PCDHA10: variants seen among roughly 807,000 people sequenced by gnomAD.
PCDHA10 encodes protocadherin alpha 10.
PCDHA10 carries 45 observed loss-of-function variants against 61.2 expected under a neutral mutation model. The ratio of observed to expected loss-of-function variants is 0.74; its 90% confidence interval spans 0.58 to 0.94. The LOEUF (loss-of-function observed/expected upper bound fraction) is 0.94. Ranked by LOEUF, PCDHA10 falls within the 40% of genes least tolerant of loss-of-function variation. The pLI is 0.00. For missense variants in PCDHA10, 1,278 were observed against 1,236.2 expected, an observed-to-expected ratio of 1.03 and a Z score of -0.51; for synonymous variants, 602 against 548.8, an observed-to-expected ratio of 1.10 and a Z score of -1.35.
At chr5:140,858,851 A>G in intron 1 of PCDHA10, 1 of 282,254 alleles carries the variant, frequency 3.5e-6, no homozygotes, top group Non-Finnish European at 6.7e-6. Flanking sequence ...ACTGATCTAT[A>G]TCTCTTCAGT....
In PCDHA10 at chr5:140,937,039, C is replaced by CTT. The variant is rs34994034; in HGVS notation, c.2389-41895_2389-41894dup. On this transcript the variant is annotated intron_variant, in intron 1 of 3. Coordinates refer to ENST00000307360, the MANE Select transcript of PCDHA10 (RefSeq NM_018901.4). ...TAACAAGGTATATTCTTCCATTTATCTTTTTTTTTTTTTTTTGAGACGGAG... is the reference window on the plus strand; with the variant it reads ...TAACAAGGTATATTCTTCCATTTATCTTTTTTTTTTTTTTTTTTGAGACGGAG... 3.4e-3 allele frequency among the ~76,000 whole-genome samples: 476 copies of CTT among 140,122 alleles called. 6 individuals carry two copies. The highest frequency in any genetic ancestry group is 0.011 in the South Asian group (47 of 4,432). 91.9% of individuals were successfully genotyped at this position (140,122 alleles called of 152,430 possible).
chr5:140,946,165 G>C (rs1554217364), intron 1 of PCDHA10, among the ~76,000 whole-genome samples: 1 of 151,838 alleles, frequency 6.6e-6, no homozygotes, highest in Non-Finnish European at 1.5e-5. Context: ...TTAAAAGATG[G>C]GTAAAGGATG....
intron 1 of PCDHA10, among the ~76,000 whole-genome samples, chr5:140,913,536 C>A (rs949214910): frequency 4.6e-5 from 7 of 151,882 alleles, no homozygotes; most frequent in Non-Finnish European, 8.8e-5. Context: ...AAAAGATTGA[C>A]TTTTTGTTTT....
chr5:140,868,360 T>C (rs1403678889), intron 1 of PCDHA10: 1 of 152,130 alleles, frequency 6.6e-6, no homozygotes, highest in African/African-American at 2.4e-5. Context: ...AGCAATTAAA[T>C]GTAAATAACA....
At chr5:140,911,607 T>C (rs1309017145) in intron 1 of PCDHA10, among the ~76,000 whole-genome samples, 1 of 152,222 alleles carries the variant, frequency 6.6e-6, no homozygotes, top group African/African-American at 2.4e-5. Context: ...CTTCATTATG[T>C]TCCTTAGTTC....
intron 1 of PCDHA10, among the ~76,000 whole-genome samples, chr5:140,960,271 CA>C (rs1193468231): frequency 2.0e-5 from 3 of 152,182 alleles, no homozygotes; most frequent in Non-Finnish European, 4.4e-5. Flanking sequence ...TAAATTCCGT[CA>C]CCTTTTTGGG....
chr5:140,884,559 C>G lies in PCDHA10; in HGVS notation c.2388+26123C>G. On this transcript the variant is annotated intron_variant, in intron 1 of 3. Transcript: ENST00000307360. ...CCGAGGGTGTGCTCTGGGGAGGGCC[C>G]GCATAAGACGGACCTCATGGCCTTC... The G allele has an allele frequency of 1.2e-6, 2 of 1,614,094 alleles. No individual in the cohort carries two copies. The highest frequency in any genetic ancestry group is 1.7e-5 in the Admixed American group (1 of 59,984).
intron 1 of PCDHA10, chr5:140,871,484 A>T: frequency 6.3e-7 from 1 of 1,592,270 alleles, no homozygotes; most frequent in Non-Finnish European, 8.6e-7. Context: ...GGGTCAAATC[A>T]CCCCGGACAG....
intron 1 of PCDHA10, chr5:140,860,712 G>C (rs1200202390): frequency 5.3e-5 from 8 of 152,188 alleles, no homozygotes; most frequent in African/African-American, 1.9e-4. Flanking sequence ...TGTTCTCCAT[G>C]AAAAGTTTTT....
intron 1 of PCDHA10, chr5:140,870,171 C>T: frequency 6.2e-7 from 1 of 1,614,140 alleles, no homozygotes; most frequent in East Asian, 2.2e-5. Context: ...CCTTGTCCCT[C>T]CCAGTACGAG....
chr5:140,944,807 A>G (rs1472832230), intron 1 of PCDHA10, among the ~76,000 whole-genome samples: 1 of 152,214 alleles, frequency 6.6e-6, no homozygotes, highest in Non-Finnish European at 1.5e-5. Context: ...TCGAGGGTCC[A>G]CAGTGATCTT....
At position 140,905,827 on chromosome 5, in the gene PCDHA10, A is replaced by T. The variant is rs140988076; in HGVS notation, c.2388+47391A>T. 2.2e-3 allele frequency among the ~76,000 whole-genome samples: 329 copies of T among 152,298 alleles called. 1 individual carries two copies. The highest frequency in any genetic ancestry group is 7.5e-3 in the African/African-American group (311 of 41,554). The stretch of plus-strand genomic sequence containing the variant: ...CAGAATTAATAGGCTAGATGTGTAT[A>T]TAAAGGGGAGTTTATTAAGGAGTAT... On this transcript the variant is annotated intron_variant, in intron 1 of 3. Coordinates refer to ENST00000307360, the MANE Select transcript of PCDHA10 (RefSeq NM_018901.4).
At chr5:140,898,150 G>A (rs373714901) in intron 1 of PCDHA10, among the ~76,000 whole-genome samples, 6 of 152,198 alleles carry the variant, frequency 3.9e-5, no homozygotes, top group African/African-American at 9.6e-5. Flanking sequence ...GCCTGTTCAC[G>A]CTGATGGTGG....
rs1581464132 is a variant in PCDHA10, at chr5:140,857,670, T to A, written c.1622T>A (p.Val541Glu). 10 of 1,596,646 alleles carry A rather than the reference T, an allele frequency of 6.3e-6. No homozygotes were observed. In the East Asian group the frequency reaches 2.2e-4, roughly 36 times the overall value. Reference protein sequence around the residue: ...QFQVSARDGGVPPLGSNLTLQ... With the variant: ...QFQVSARDGGEPPLGSNLTLQ... ...CAGGTGAGCGCGCGCGATGGGGGCG[T>A]GCCGCCTCTGGGCAGCAACTTGACG... Residue 541 changes from valine to glutamate, a missense_variant, in exon 1 of 4, where the codon GTG becomes GAG. Physicochemically the swap from Val to Glu is moderately radical, Grantham distance 121 (BLOSUM62 -2). Transcript: ENST00000307360.
rs1195696269 is a variant in PCDHA10, at chr5:141,010,821, TTTG to T, written c.*890_*892del. ...AACCCCGACACCTCACCTTTCGCTG[TTTG>T]TTGTTTCATAGATTTATTTAAAAAA... is the stretch of plus-strand genomic sequence containing the variant. On this transcript the variant is annotated 3_prime_UTR_variant, in exon 4 of 4. Coordinates refer to ENST00000307360, the MANE Select transcript of PCDHA10 (RefSeq NM_018901.4). 3 of 153,772 alleles carry T rather than the reference TTTG, an allele frequency of 2.0e-5. No individual in the cohort carries two copies. The highest frequency in any genetic ancestry group is 4.4e-5 in the Non-Finnish European group (3 of 68,048). 9.5% of individuals were successfully genotyped at this position (153,772 alleles called of 1,614,324 possible).
At chr5:140,986,508 G>T (rs1043049646) in intron 3 of PCDHA10, among the ~76,000 whole-genome samples, 26 of 152,184 alleles carry the variant, frequency 1.7e-4, no homozygotes, top group African/African-American at 5.3e-4. Context: ...TAAAAGGACT[G>T]CCCCTGCCTG....
intron 1 of PCDHA10, chr5:140,968,039 G>A (rs1016266543): frequency 1.7e-5 from 28 of 1,614,026 alleles, no homozygotes; most frequent in Non-Finnish European, 1.9e-5. Context: ...GGTGGTGAGC[G>A]GCCCACTGGA....
intron 1 of PCDHA10, among the ~76,000 whole-genome samples, chr5:140,901,369 C>G (rs1366309820): frequency 1.3e-5 from 2 of 152,120 alleles, no homozygotes; most frequent in African/African-American, 2.4e-5. Flanking sequence ...GTCTTTAATC[C>G]ATTTTAATTC....
intron 1 of PCDHA10, chr5:140,863,686 T>G (rs1386583317): frequency 3.4e-6 from 1 of 295,212 alleles, no homozygotes; most frequent in Non-Finnish European, 6.6e-6. Flanking sequence ...CTTTTTCTTT[T>G]GAGATGCTTT....
Sources: allele counts gnomAD v4.1 joint callset (sites outside exome capture counted in the v4.1 genomes callset), GRCh38; gene constraint gnomAD v4.1.1; transcripts MANE v1.5; gene names NCBI Gene and HGNC (gene_info 2026-07-23, HGNC 2026-07-21).